HS3ST4: variants seen among roughly 807,000 people sequenced by gnomAD.
The protein encoded by HS3ST4 is heparan sulfate-glucosamine 3-sulfotransferase 4.
HS3ST4 carries 17 observed loss-of-function variants against 29.2 expected under a neutral mutation model. The ratio of observed to expected loss-of-function variants is 0.58; its 90% CI spans 0.40 to 0.87. The LOEUF is 0.87. Ranked by LOEUF, HS3ST4 falls within the 40% of genes least tolerant of loss-of-function variation. The pLI is 0.00. For missense variants in HS3ST4, 627 were observed against 634.5 expected (o/e 0.99, Z 0.13); for synonymous variants, 314 against 285.7 (o/e 1.10, Z -1.00).
At chr16:25,813,494 G>A (rs1967063218) in intron 1 of HS3ST4, among the ~76,000 whole-genome samples, 1 of 152,158 alleles carries the variant, frequency 6.6e-6, no homozygotes, top group Non-Finnish European at 1.5e-5. Flanking sequence ...CTACTTGGGA[G>A]GCTGAGGGAG....
At chr16:25,886,284 C>T (rs1051706351) in intron 1 of HS3ST4, among the ~76,000 whole-genome samples, 10 of 152,210 alleles carry the variant, frequency 6.6e-5, no homozygotes, top group Middle Eastern at 3.4e-3. Flanking sequence ...CCGCCTGCCT[C>T]GGCCTCCCAA....
intron 1 of HS3ST4, among the ~76,000 whole-genome samples, chr16:25,841,218 G>C (rs1369260010): frequency 6.6e-6 from 1 of 152,032 alleles, no homozygotes; most frequent in Non-Finnish European, 1.5e-5. Flanking sequence ...TGTTAGCCAG[G>C]ATGGTCTCGA....
At chr16:26,024,228 GAA>G (rs58068324) in intron 1 of HS3ST4, among the ~76,000 whole-genome samples, 9 of 127,090 alleles carry the variant, frequency 7.1e-5, no homozygotes, top group African/African-American at 8.7e-5. Context: ...GTCTCAAAAG[GAA>G]AAAAAAAAAA....
rs570980621 is a variant in HS3ST4, at chr16:25,715,190, C to T, written c.734+22039C>T. On this transcript the variant is annotated intron_variant, in intron 1 of 1. Coordinates refer to ENST00000331351, the MANE Select transcript of HS3ST4 (RefSeq NM_006040.3). ...ACAAAAAATTAGCCGGGCGCGGTGG[C>T]GGGCGCCTGTAGTCCCAGCTACTCG... 5.4e-3 allele frequency among the ~76,000 whole-genome samples: 824 copies of T among 151,736 alleles called. 5 individuals are homozygous for T. The highest frequency in any genetic ancestry group is 0.034 in the South Asian group (161 of 4,766).
At chr16:25,779,324 CT>C in intron 1 of HS3ST4, among the ~76,000 whole-genome samples, 1 of 152,322 alleles carries the variant, frequency 6.6e-6, no homozygotes, top group Non-Finnish European at 1.5e-5. Context: ...ATCATTATAT[CT>C]TTTTACAAAT....
chr16:25,885,360 C>A (rs1967938347), intron 1 of HS3ST4, among the ~76,000 whole-genome samples: 1 of 152,132 alleles, frequency 6.6e-6, no homozygotes, highest in African/African-American at 2.4e-5. Context: ...TCGAGACCCT[C>A]AGAGGAGGGG....
intron 1 of HS3ST4, among the ~76,000 whole-genome samples, chr16:25,757,656 G>A (rs1567233835): frequency 6.6e-6 from 1 of 151,634 alleles, no homozygotes; most frequent in Non-Finnish European, 1.5e-5. Flanking sequence ...CTGGTCATAT[G>A]TTCTGGAATT....
rs146256857 is a variant in HS3ST4, at chr16:25,714,570, C to T, written c.734+21419C>T. On this transcript the variant is annotated intron_variant, in intron 1 of 1. Coordinates refer to ENST00000331351, the MANE Select transcript of HS3ST4 (RefSeq NM_006040.3). ...AGATGATGCAGAACTTGTCCACAGT[C>T]GCTGAGCTGGGAAGTACTTAAGCCA... Among the ~76,000 whole-genome samples, 341 of 152,290 alleles carry T rather than the reference C, an allele frequency of 2.2e-3. 2 individuals are homozygous for T. The highest frequency in any genetic ancestry group is 3.4e-3 in the Non-Finnish European group (229 of 68,030).
At chr16:25,747,724 C>T (rs1310113280) in intron 1 of HS3ST4, among the ~76,000 whole-genome samples, 1 of 152,208 alleles carries the variant, frequency 6.6e-6, no homozygotes, top group Non-Finnish European at 1.5e-5. Flanking sequence ...CAGACACTTA[C>T]AGAGGTCTCC....
intron 1 of HS3ST4, among the ~76,000 whole-genome samples, chr16:26,112,017 A>AC (rs1899137475): frequency 6.6e-6 from 1 of 151,404 alleles, no homozygotes; most frequent in Non-Finnish European, 1.5e-5. Flanking sequence ...CTCCACTCAA[A>AC]AAAAAAAAAA....
intron 1 of HS3ST4, among the ~76,000 whole-genome samples, chr16:25,991,192 G>A (rs1969110682): frequency 6.6e-6 from 1 of 152,026 alleles, no homozygotes; most frequent in Non-Finnish European, 1.5e-5. Flanking sequence ...ACTGAACCAG[G>A]GAACTCGGGC....
chr16:26,095,804 TTCA>T (rs758656643), intron 1 of HS3ST4, among the ~76,000 whole-genome samples: 28 of 152,252 alleles, frequency 1.8e-4, no homozygotes, highest in Non-Finnish European at 2.8e-4. Flanking sequence ...CAAAAAATCC[TTCA>T]AAAAATCAGT....
intron 1 of HS3ST4, among the ~76,000 whole-genome samples, chr16:25,740,396 C>T (rs1475335687): frequency 2.6e-5 from 4 of 152,236 alleles, no homozygotes; most frequent in South Asian, 2.1e-4. Flanking sequence ...CTGCCTGTTT[C>T]GTTAGTATAA....
chr16:25,782,438 G>A (rs890718154), intron 1 of HS3ST4, among the ~76,000 whole-genome samples: 1 of 152,118 alleles, frequency 6.6e-6, no homozygotes, highest in Non-Finnish European at 1.5e-5. Context: ...TGCTTTTTCT[G>A]TGTGTTTCAC....
intron 1 of HS3ST4, among the ~76,000 whole-genome samples, chr16:25,882,488 T>C (rs117496362): frequency 0.017 from 2,585 of 152,276 alleles, 40 homozygotes; most frequent in Middle Eastern, 0.082. Flanking sequence ...GGGCCATTAG[T>C]TTGCCGATGG....
At chr16:26,062,901 A>T (rs117278223) in intron 1 of HS3ST4, 2 of 232,948 alleles carry the variant, frequency 8.6e-6, no homozygotes, top group African/African-American at 4.6e-5. Flanking sequence ...GAAGAACTTT[A>T]TCACCAACTT....
intron 1 of HS3ST4, among the ~76,000 whole-genome samples, chr16:25,717,862 C>T (rs118070404): frequency 5.3e-5 from 8 of 152,148 alleles, no homozygotes; most frequent in East Asian, 3.9e-4. Context: ...GACAAGAGTA[C>T]GTACATCTAG....
intron 1 of HS3ST4, among the ~76,000 whole-genome samples, chr16:25,717,119 A>T (rs1444857483): frequency 6.6e-6 from 1 of 152,104 alleles, no homozygotes; most frequent in African/African-American, 2.4e-5. Flanking sequence ...ACACAAATCA[A>T]CTTAAAGAAG....
At chr16:25,724,406 C>G (rs991220728) in intron 1 of HS3ST4, among the ~76,000 whole-genome samples, 1 of 149,382 alleles carries the variant, frequency 6.7e-6, no homozygotes, top group African/African-American at 2.5e-5. Flanking sequence ...CTCTGTCACC[C>G]AAGCTGGAGT....
Sources: gnomAD v4.1 joint callset for allele counts (sites outside exome capture counted in the v4.1 genomes callset) on GRCh38, gnomAD v4.1.1 for gene constraint, MANE v1.5 for transcripts, NCBI Gene and HGNC (gene_info 2026-07-23, HGNC 2026-07-21) for gene names.